The following KCND2 variants were observed in gnomAD, a reference collection of about 807,000 sequenced individuals.
KCND2 encodes A-type voltage-gated potassium channel KCND2.
KCND2 carries 16 observed loss-of-function variants against 54.4 expected under a neutral mutation model. The ratio of observed to expected loss-of-function variants is 0.29; its 90% CI spans 0.20 to 0.45. The LOEUF (loss-of-function observed/expected upper bound fraction) is 0.45. Among genes scored for constraint, KCND2 ranks in the 20% least tolerant of loss-of-function variants. The pLI, the probability that KCND2 is intolerant of heterozygous loss-of-function variation, is 1.00. For missense variants in KCND2, 486 were observed against 824.2 expected, an observed-to-expected ratio of 0.59 and a Z score of 5.02; for synonymous variants, 317 against 310.7, an observed-to-expected ratio of 1.02 and a Z score of -0.21.
intron 4 of KCND2, among the ~76,000 whole-genome samples, chr7:120,743,923 T>G (rs1467975462): frequency 6.6e-6 from 1 of 152,208 alleles, no homozygotes; most frequent in African/African-American, 2.4e-5. Flanking sequence ...TGGACAGGTC[T>G]GTAACCTAGT....
chr7:120,454,816 A>G (rs765609278), intron 1 of KCND2, among the ~76,000 whole-genome samples: 1 of 152,206 alleles, frequency 6.6e-6, no homozygotes, highest in Non-Finnish European at 1.5e-5. Flanking sequence ...CTAGATCTTT[A>G]TAAGCCACTT....
At chr7:120,578,295 A>C (rs1306230388) in intron 1 of KCND2, among the ~76,000 whole-genome samples, 1 of 152,016 alleles carries the variant, frequency 6.6e-6, no homozygotes, top group Admixed American at 6.6e-5. Context: ...TTCAAGAAAA[A>C]AATAATAATA....
chr7:120,478,304 T>A (rs868747289), intron 1 of KCND2, among the ~76,000 whole-genome samples: 1 of 152,184 alleles, frequency 6.6e-6, no homozygotes, highest in Non-Finnish European at 1.5e-5. Flanking sequence ...TAAATTGTCC[T>A]TTATCGCCCA....
chr7:120,372,587 G>A (rs1800780125), intron 1 of KCND2, among the ~76,000 whole-genome samples: 1 of 151,766 alleles, frequency 6.6e-6, no homozygotes, highest in African/African-American at 2.4e-5. Flanking sequence ...ACTTTGTATT[G>A]TATTGTAATG....
At chr7:120,492,495 A>T (rs1802798873) in intron 1 of KCND2, among the ~76,000 whole-genome samples, 1 of 152,016 alleles carries the variant, frequency 6.6e-6, no homozygotes, top group African/African-American at 2.4e-5. Flanking sequence ...ACAAAAATTT[A>T]TCGCTCACAG....
At chr7:120,308,617 G>C (rs150034404) in intron 1 of KCND2, among the ~76,000 whole-genome samples, 100 of 152,228 alleles carry the variant, frequency 6.6e-4, no homozygotes, top group African/African-American at 2.3e-3. Flanking sequence ...GTTGTTTTCA[G>C]TTGTTACTGA....
chr7:120,578,916 T>TCACACACACACACA (rs111758455), intron 1 of KCND2, among the ~76,000 whole-genome samples: 1,839 of 146,790 alleles, frequency 0.013, 33 homozygotes, highest in African/African-American at 0.043. Flanking sequence ...AGACCCTGTC[T>TCACACACACACACA]CACACACACA....
At chr7:120,729,745 G>A (rs1378723860) in intron 1 of KCND2, among the ~76,000 whole-genome samples, 1 of 152,154 alleles carries the variant, frequency 6.6e-6, no homozygotes, top group South Asian at 2.1e-4. Flanking sequence ...CCCAGTCCTT[G>A]CAAATACTCA....
intron 1 of KCND2, among the ~76,000 whole-genome samples, chr7:120,411,549 T>C (rs1801450265): frequency 6.6e-6 from 1 of 152,072 alleles, no homozygotes; most frequent in South Asian, 2.1e-4. Flanking sequence ...GGCACTCAGA[T>C]CTACGCTTTG....
chr7:120,423,513 G>A (rs778172859), intron 1 of KCND2, among the ~76,000 whole-genome samples: 10 of 152,146 alleles, frequency 6.6e-5, no homozygotes, highest in Admixed American at 5.2e-4. Context: ...AAATCAAGAC[G>A]CATAGTTTAT....
At chr7:120,298,411 G>A (rs1005740087) in intron 1 of KCND2, among the ~76,000 whole-genome samples, 1 of 152,158 alleles carries the variant, frequency 6.6e-6, no homozygotes, top group Non-Finnish European at 1.5e-5. Context: ...CCAGTCTAGT[G>A]ACTAAAATTT....
intron 1 of KCND2, among the ~76,000 whole-genome samples, chr7:120,455,982 G>A (rs1379512473): frequency 6.6e-6 from 1 of 151,832 alleles, no homozygotes; most frequent in African/African-American, 2.4e-5. Flanking sequence ...AAAAATAAAA[G>A]CACTTAGCAT....
At chr7:120,427,644 CATG>C (rs754170733) in intron 1 of KCND2, among the ~76,000 whole-genome samples, 2 of 152,038 alleles carry the variant, frequency 1.3e-5, no homozygotes, top group Admixed American at 6.5e-5. Context: ...AATATGAAAA[CATG>C]AGAAAATGTT....
chr7:120,664,452 A>G (rs781083673), intron 1 of KCND2, among the ~76,000 whole-genome samples: 1 of 151,978 alleles, frequency 6.6e-6, no homozygotes, highest in African/African-American at 2.4e-5. Flanking sequence ...CTTATTTAAT[A>G]GGAGAGAAGA....
Position 120,627,443 on chromosome 7 carries a change from TTAA to T in KCND2, c.1116-105454_1116-105452del, listed in dbSNP as rs373657782. Among the ~76,000 whole-genome samples the T allele has an allele frequency of 5.1e-4, 78 of 152,322 alleles. 2 individuals are homozygous for T. The East Asian group carries it at 0.011, about 21-fold the overall frequency. On this transcript the variant is annotated intron_variant, in intron 1 of 5. Transcript: ENST00000331113. ...TCCAGTTCATGAAAAGAAGTTTCAA[TTAA>T]TAATATGATTCCATTCAAAGTATTG... is the stretch of plus-strand genomic sequence containing the variant.
chr7:120,403,882 A>G (rs1232436075), intron 1 of KCND2, among the ~76,000 whole-genome samples: 1 of 152,154 alleles, frequency 6.6e-6, no homozygotes, highest in Non-Finnish European at 1.5e-5. Flanking sequence ...AATTAAAATA[A>G]CAAGATTTTT....
chr7:120,476,060 AG>A (rs1397172408), intron 1 of KCND2, among the ~76,000 whole-genome samples: 2 of 152,176 alleles, frequency 1.3e-5, no homozygotes, highest in Non-Finnish European at 2.9e-5. Flanking sequence ...TTACTTTGTA[AG>A]TGTTTTCCCT....
intron 1 of KCND2, among the ~76,000 whole-genome samples, chr7:120,467,910 G>A (rs1802402470): frequency 6.6e-6 from 1 of 151,934 alleles, no homozygotes; most frequent in Admixed American, 6.6e-5. Context: ...AATCCATAAA[G>A]GTACTTCTGT....
chr7:120,542,750 C>T (rs1402624436), intron 1 of KCND2, among the ~76,000 whole-genome samples: 2 of 152,102 alleles, frequency 1.3e-5, no homozygotes, highest in African/African-American at 4.8e-5. Context: ...AACTTGGAAA[C>T]CTGAGCACAT....
Sources: allele counts gnomAD v4.1 joint callset (sites outside exome capture counted in the v4.1 genomes callset), GRCh38; gene constraint gnomAD v4.1.1; transcripts MANE v1.5; gene names NCBI Gene and HGNC (gene_info 2026-07-23, HGNC 2026-07-21).